TMC6: variants seen among roughly 807,000 people sequenced by gnomAD.
The protein encoded by TMC6 is transmembrane channel like 6.
TMC6 carries 71 observed loss-of-function variants against 95.4 expected under a neutral mutation model. That is an observed-to-expected ratio of 0.74 (90% CI 0.61 to 0.91). The LOEUF is 0.91. TMC6 is among the 40% of genes least tolerant of loss of function. The pLI, the probability that TMC6 is intolerant of heterozygous loss-of-function variation, is 0.00. For missense variants in TMC6, 1,074 were observed against 1,079.1 expected (o/e 1.00, Z 0.07); for synonymous variants, 514 against 483.1 (o/e 1.06, Z -0.84).
rs947168563 is a variant in TMC6, at chr17:78,121,239, C to T, written c.1384-75G>A. Reference sequence around the variant, plus strand: ...GAGCGGGCAGCTACAGGGAAGGGCCCGGGGTGGAACTGGCAGGTAGCACCT... The same window carrying T: ...GAGCGGGCAGCTACAGGGAAGGGCCTGGGGTGGAACTGGCAGGTAGCACCT... On this transcript the variant is annotated intron_variant, in intron 11 of 19. Coordinates refer to ENST00000590602, the MANE Select transcript of TMC6 (RefSeq NM_001127198.5). The surrounding 1 kb of genome is among the most constrained non-coding windows in gnomAD (Gnocchi z 5.6). 125 of 1,538,300 alleles carry T rather than the reference C, an allele frequency of 8.1e-5. 1 individual carries two copies. The highest frequency in any genetic ancestry group is 7.1e-4 in the African/African-American group (52 of 72,930).
intron 8 of TMC6, 35 bp from the exon 9 acceptor site, chr17:78,124,214 TC>T: frequency 1.2e-6 from 2 of 1,609,048 alleles, no homozygotes; most frequent in Non-Finnish European, 1.7e-6. Context: ...TCAGGGACTT[TC>T]CCCACGCCCC....
Position 78,128,023 on chromosome 17 carries a change from C to T in TMC6, c.-75+589G>A, listed in dbSNP as rs2074819364. Among the ~76,000 whole-genome samples, 2 of 152,256 alleles carry T rather than the reference C, an allele frequency of 1.3e-5. No individual in the cohort carries two copies. Among genetic ancestry groups the T allele is most frequent in the Admixed American group, 1.3e-4 (2 of 15,288 alleles). ...CAGTCCCTAGAGCTGGAATCCCTTC[C>T]TCCAGACAGGCCCTTCTAAGCTCAG... On this transcript the variant is annotated intron_variant, in intron 1 of 19. Transcript: ENST00000590602. This position sits in a 1 kb window ranked among gnomAD's most constrained non-coding sequence, Gnocchi z 4.0.
chr17:78,120,478 C>G (rs756733849), intron 13 of TMC6, 175 bp downstream of exon 13: 1 of 1,031,030 alleles, frequency 9.7e-7, no homozygotes, highest in South Asian at 1.3e-5. Context: ...CACTTTGAAA[C>G]CTGTTTTCCT....
At chr17:78,131,380 C>T (rs189345871), upstream of TMC6, 82 of 663,632 alleles carry the variant, frequency 1.2e-4, 1 homozygote, top group African/African-American at 1.3e-3. Flanking sequence ...TTCTGAGCCC[C>T]GGAGGTGGCA....
intron 9 of TMC6, among the ~76,000 whole-genome samples, chr17:78,123,776 G>C (rs1048355682): frequency 2.7e-5 from 4 of 149,690 alleles, no homozygotes; most frequent in Non-Finnish European, 3.0e-5. Flanking sequence ...TGGGTGGATG[G>C]GTGGGTGGAT....
At position 78,113,064 on chromosome 17, in the gene TMC6, T is replaced by C. The variant is rs2073871122; in HGVS notation, c.*84A>G. The stretch of plus-strand genomic sequence containing the variant: ...TCGAGAGGCGAAACTGTCTTCCTTG[T>C]CCTGGTGTCCCAGCAGGGTCACTGG... On this transcript the variant is annotated 3_prime_UTR_variant, in exon 20 of 20. Coordinates refer to ENST00000590602, the MANE Select transcript of TMC6 (RefSeq NM_001127198.5). The C allele has an allele frequency of 2.0e-6, 3 of 1,483,912 alleles. No homozygotes were observed. Among genetic ancestry groups the C allele is most frequent in the Non-Finnish European group, 2.8e-6 (3 of 1,087,352 alleles). The allele number at this position is 1,483,912 out of a possible 1,614,324, so 91.9% of individuals were successfully genotyped here.
upstream of TMC6, among the ~76,000 whole-genome samples, chr17:78,130,484 G>C (rs900973079): frequency 6.6e-6 from 1 of 152,230 alleles, no homozygotes; most frequent in Admixed American, 6.5e-5. Context: ...GACATCCCTG[G>C]AGGCAGCCAG....
chr17:78,109,580 G>T lies in TMC6; in HGVS notation c.*3568C>A. ...CAGGAGGTCGAGGCTGCAGTGAGCT[G>T]TGATCGTGCCACTGTGCTCCGGGAT... is the stretch of plus-strand genomic sequence containing the variant. On this transcript the variant is annotated 3_prime_UTR_variant, in exon 20 of 20. Transcript: ENST00000590602. The T allele has an allele frequency of 4.4e-6, 2 of 455,824 alleles. No homozygotes were observed. The highest frequency in any genetic ancestry group is 3.1e-5 in the South Asian group (2 of 64,512). 28.2% of individuals were successfully genotyped at this position (455,824 alleles called of 1,614,324 possible). A position where few individuals can be genotyped will look rare whatever the true frequency, so the allele number is the denominator to read the frequency against.
At chr17:78,117,397 G>A (rs781595672) in intron 17 of TMC6, 50 bp from the exon 18 acceptor site, 41 of 1,612,172 alleles carry the variant, frequency 2.5e-5, no homozygotes, top group Middle Eastern at 1.7e-4. Context: ...GCCCGGGAGC[G>A]GCCAGTCCCC....
Position 78,126,660 on chromosome 17 carries a change from G to A in TMC6, c.57-12C>T. On this transcript the variant is annotated splice_polypyrimidine_tract_variant and intron_variant, in intron 2 of 19. Transcript: ENST00000590602. ...GGCTGGGGCCCTGGCTGCAGAGGGG[G>A]TTGGCGGGGGGGTCAGGCTCCAGCC... 1 of 1,612,856 alleles carries A rather than the reference G, an allele frequency of 6.2e-7. No homozygotes were observed.
In TMC6 at chr17:78,124,617, C is replaced by T; in HGVS notation, c.798G>A (p.Leu266=). ...LAFNALLLLL[L]VAFIMGPQVA... ...CCTGAGGGCCCATGATGAAGGCCAC[C>T]AGCAGCAGCAGCAGGAGGGCATTGA... Residue 266 remains leucine, a synonymous_variant, in exon 8 of 20, where the codon CTG becomes CTA. Transcript: ENST00000590602. 1 of 1,609,876 alleles carries T rather than the reference C, an allele frequency of 6.2e-7. No homozygotes were observed. Among genetic ancestry groups the T allele is most frequent in the Non-Finnish European group, 8.5e-7 (1 of 1,178,448 alleles).
rs1568002050 is a variant in TMC6 at position 78,125,820 on chromosome 17, GCTC to G, written c.333_335del (p.Arg111del). Reference sequence around the variant, plus strand: ...CAAAGTTCCCGAGCAGGGGCCGGCTGCTCCTGCACCGAAGCTGCACCGTGCGGT... The same window carrying G: ...CAAAGTTCCCGAGCAGGGGCCGGCTGCTGCACCGAAGCTGCACCGTGCGGT... On this transcript the variant is annotated inframe_deletion, in exon 5 of 20. Coordinates refer to ENST00000590602, the MANE Select transcript of TMC6 (RefSeq NM_001127198.5). 1 of 1,556,066 alleles carries G rather than the reference GCTC, an allele frequency of 6.4e-7. No homozygotes were observed. Among genetic ancestry groups the G allele is most frequent in the South Asian group, 1.2e-5 (1 of 84,466 alleles).
intron 13 of TMC6, chr17:78,119,695 CGCAATCGTG>C: frequency 2.2e-6 from 1 of 447,760 alleles, no homozygotes; most frequent in Non-Finnish European, 4.1e-6. Flanking sequence ...AGCACAGTGA[CGCAATCGTG>C]GCTCACTGCA....
rs535230761 is a variant in TMC6 at position 78,120,285 on chromosome 17, G to A, written c.1715+368C>T. On this transcript the variant is annotated intron_variant, in intron 13 of 19. Coordinates refer to ENST00000590602, the MANE Select transcript of TMC6 (RefSeq NM_001127198.5). ...AGCGATTCTCATGCCTCTGCCTCCC[G>A]AGTAGCTGGGACTACTGGTGTGCGC... is the stretch of plus-strand genomic sequence containing the variant. The A allele has an allele frequency of 9.1e-5, 34 of 371,654 alleles. No individual in the cohort carries two copies. The East Asian group carries it at 1.9e-3, about 20-fold the overall frequency. The allele number at this position is 371,654 out of a possible 1,614,324, so 23.0% of individuals were successfully genotyped here.
chr17:78,122,986 C>G lies in TMC6; in HGVS notation c.1083-237G>C. ...AGAAGAGGGGGCAGGGCTGCATTCA[C>G]CGCGGACTTGGCTGGCTGCCTCCCA... On this transcript the variant is annotated intron_variant, in intron 9 of 19. Transcript: ENST00000590602. This position sits in a 1 kb window ranked among gnomAD's most constrained non-coding sequence, Gnocchi z 4.9. 2 of 614,582 alleles carry G rather than the reference C, an allele frequency of 3.3e-6. No individual in the cohort carries two copies. Among genetic ancestry groups the G allele is most frequent in the Non-Finnish European group, 5.7e-6 (2 of 349,024 alleles). The allele number at this position is 614,582 out of a possible 1,614,324, so 38.1% of individuals were successfully genotyped here.
At chr17:78,131,796 C>T, upstream of TMC6, 1 of 1,530,498 alleles carries the variant, frequency 6.5e-7, no homozygotes, top group Non-Finnish European at 8.8e-7. Flanking sequence ...GCTGCCCCGT[C>T]GGATGGTGTG....
intron 13 of TMC6, chr17:78,120,198 C>T (rs2074341534): frequency 2.0e-5 from 6 of 298,522 alleles, no homozygotes; most frequent in South Asian, 8.0e-5. Flanking sequence ...CTTGCTCTGT[C>T]GCCCGGGCTG....
chr17:78,116,203 C>T (rs1307400439), intron 18 of TMC6, among the ~76,000 whole-genome samples: 1 of 151,606 alleles, frequency 6.6e-6, no homozygotes, highest in Admixed American at 6.6e-5. Flanking sequence ...TCTCGACCTC[C>T]TGACCTCAAG....
In TMC6 at chr17:78,125,052, C is replaced by T. The variant is rs1568000488; in HGVS notation, c.537-67G>A. The stretch of plus-strand genomic sequence containing the variant: ...GCCTGACTCTCTCCTTCCTGGAGAC[C>T]GGCCACCCACGGGCTCAGCCCCTTC... On this transcript the variant is annotated intron_variant, in intron 6 of 19. Coordinates refer to ENST00000590602, the MANE Select transcript of TMC6 (RefSeq NM_001127198.5). 1.0e-5 allele frequency: 16 copies of T among 1,538,078 alleles called. No homozygotes were observed. In the East Asian group the frequency reaches 1.5e-4, roughly 14 times the overall value.
Sources: gnomAD v4.1 joint callset for allele counts (sites outside exome capture counted in the v4.1 genomes callset) on GRCh38, gnomAD v4.1.1 for gene constraint, Gnocchi (gnomAD v3.1) non-coding constraint, MANE v1.5 for transcripts, NCBI Gene and HGNC (gene_info 2026-07-23, HGNC 2026-07-21) for gene names.